The following MMP26 variants were observed in gnomAD, a reference collection of about 807,000 sequenced individuals.
The protein encoded by MMP26 is matrix metalloproteinase-26.
MMP26 carries 33 observed loss-of-function variants against 31.0 expected under a neutral mutation model. That is an observed-to-expected ratio of 1.06 (90% CI 0.81 to 1.42). The LOEUF (loss-of-function observed/expected upper bound fraction) is 1.42, where lower values mean the gene tolerates loss of function less well. MMP26 is among the 40% of genes most tolerant of loss of function. MMP26 has a pLI of 0.00. For synonymous variants in MMP26, 122 were observed against 114.9 expected (o/e 1.06, Z -0.40); for missense variants, 347 against 316.1 (o/e 1.10, Z -0.74).
chr11:4,728,237 T>A (rs1049930051), intron 1 of MMP26, among the ~76,000 whole-genome samples: 1 of 152,264 alleles, frequency 6.6e-6, no homozygotes, highest in African/African-American at 2.4e-5. Context: ...TTAAACATTA[T>A]ATTATAATCC....
chr11:4,834,047 A>C (rs1849682976), intron 2 of MMP26, among the ~76,000 whole-genome samples: 1 of 152,172 alleles, frequency 6.6e-6, no homozygotes, highest in Non-Finnish European at 1.5e-5. Context: ...AGTCTAAAGA[A>C]AAAGAGGTAG....
chr11:4,800,004 C>T (rs6578529), intron 2 of MMP26, among the ~76,000 whole-genome samples: 56,101 of 152,060 alleles, frequency 0.37, 11,430 homozygotes, highest in African/African-American at 0.52. Flanking sequence ...CTCTCATGGA[C>T]TGGAGTTGAG....
chr11:4,763,078 A>T (rs1235805647), intron 1 of MMP26, among the ~76,000 whole-genome samples: 1 of 152,180 alleles, frequency 6.6e-6, no homozygotes, highest in Non-Finnish European at 1.5e-5. Flanking sequence ...TTAATCTTAC[A>T]TCTATGTTGA....
intron 2 of MMP26, chr11:4,908,003 C>A (rs1850928362): frequency 6.2e-7 from 1 of 1,614,088 alleles, no homozygotes; most frequent in Non-Finnish European, 8.5e-7. Context: ...GGACTTGGCA[C>A]TGATTGTTTT....
At chr11:4,726,294 G>C (rs1848098646) in intron 1 of MMP26, among the ~76,000 whole-genome samples, 1 of 151,842 alleles carries the variant, frequency 6.6e-6, no homozygotes, top group Non-Finnish European at 1.5e-5. Context: ...TGAAACTCAG[G>C]CTCTACTAAA....
chr11:4,745,919 CT>C (rs1223491808), intron 1 of MMP26, among the ~76,000 whole-genome samples: 1 of 152,136 alleles, frequency 6.6e-6, no homozygotes, highest in Non-Finnish European at 1.5e-5. Flanking sequence ...TCTTTAATGT[CT>C]TTTCATGGCT....
chr11:4,822,421 T>C, intron 2 of MMP26: 1 of 1,418,088 alleles, frequency 7.1e-7, no homozygotes, highest in Non-Finnish European at 9.2e-7. Context: ...ATAAGTGCTT[T>C]GCTACAATGG....
rs189708358 is a variant in MMP26, at chr11:4,766,475, T to A, written c.-216-795T>A. ...ACAGATGTAACATCACAGACCTGCT[T>A]GGGTTGAGTACAGTATTTGAGGAGT... On this transcript the variant is annotated intron_variant, in intron 1 of 7. Transcript: ENST00000380390. Among the ~76,000 whole-genome samples the A allele has an allele frequency of 2.1e-4, 30 of 146,056 alleles. No individual in the cohort carries two copies. The East Asian group carries it at 5.6e-3, about 27-fold the overall frequency.
chr11:4,771,383 C>A (rs1848717543), intron 2 of MMP26, among the ~76,000 whole-genome samples: 1 of 152,042 alleles, frequency 6.6e-6, no homozygotes, highest in Non-Finnish European at 1.5e-5. Flanking sequence ...TTACCTTTTT[C>A]TCTGTGAAGT....
chr11:4,746,794 A>G (rs891336101), intron 1 of MMP26, among the ~76,000 whole-genome samples: 6 of 150,380 alleles, frequency 4.0e-5, no homozygotes, highest in Non-Finnish European at 7.4e-5. Context: ...AGATTGTGCC[A>G]TTGCACTCCA....
chr11:4,744,395 T>G (rs1324674774), intron 1 of MMP26, among the ~76,000 whole-genome samples: 3 of 152,242 alleles, frequency 2.0e-5, no homozygotes, highest in Non-Finnish European at 4.4e-5. Flanking sequence ...TGCTACAATT[T>G]TCTTTTAGAA....
intron 2 of MMP26, among the ~76,000 whole-genome samples, chr11:4,926,004 T>G (rs937507273): frequency 6.6e-6 from 1 of 152,140 alleles, no homozygotes; most frequent in Non-Finnish European, 1.5e-5. Context: ...ATATTAGGAT[T>G]TTTTAGAAAA....
intron 2 of MMP26, among the ~76,000 whole-genome samples, chr11:4,985,653 A>G (rs116764482): frequency 0.012 from 1,899 of 152,268 alleles, 51 homozygotes; most frequent in African/African-American, 0.043. Context: ...TATATTCCTC[A>G]TGGTGAAATG....
At chr11:4,775,711 C>T (rs542913970) in intron 2 of MMP26, among the ~76,000 whole-genome samples, 2 of 147,530 alleles carry the variant, frequency 1.4e-5, no homozygotes, top group East Asian at 2.0e-4. Context: ...GGTAGTCAAG[C>T]GAGTGCAGAG....
chr11:4,801,509 TTTA>T (rs1849181330), intron 2 of MMP26, among the ~76,000 whole-genome samples: 3 of 128 alleles, frequency 0.023, no homozygotes, highest in Admixed American at 0.062. Context: ...GGACTTTTTA[TTTA>T]TTTATTTATT....
intron 2 of MMP26, among the ~76,000 whole-genome samples, chr11:4,854,721 T>A (rs181524190): frequency 6.6e-6 from 1 of 152,192 alleles, no homozygotes; most frequent in Non-Finnish European, 1.5e-5. Context: ...GTAGTGGTTA[T>A]CCCAGCAAGG....
chr11:4,757,029 G>A (rs1354098310), intron 1 of MMP26, among the ~76,000 whole-genome samples: 4 of 151,924 alleles, frequency 2.6e-5, no homozygotes, highest in East Asian at 3.9e-4. Context: ...TAATTTATAC[G>A]GAAATGCAAA....
intron 2 of MMP26, among the ~76,000 whole-genome samples, chr11:4,874,220 G>A (rs989825777): frequency 9.2e-5 from 14 of 152,062 alleles, no homozygotes; most frequent in African/African-American, 2.9e-4. Flanking sequence ...CAAGTAAGGT[G>A]AAATTGTAAT....
Position 4,951,830 on chromosome 11 carries a change from T to C in MMP26, c.-144-36238T>C, listed in dbSNP as rs1342534207. ...GTGACAGTTCTCTCTCCTCTCTTCA[T>C]TGAGAGAGAAAAAGTGCTCTACTGC... On this transcript the variant is annotated intron_variant, in intron 2 of 7. Coordinates refer to ENST00000380390, the MANE Select transcript of MMP26 (RefSeq NM_021801.5). Among the ~76,000 whole-genome samples the C allele has an allele frequency of 2.4e-5, 3 of 124,666 alleles. 1 individual carries two copies. The highest frequency in any genetic ancestry group is 3.6e-5 in the Non-Finnish European group (2 of 54,986). 81.8% of individuals were successfully genotyped at this position (124,666 alleles called of 152,430 possible). A position where few individuals can be genotyped will look rare whatever the true frequency, so the allele number is the denominator to read the frequency against.
Sources: allele counts gnomAD v4.1 joint callset (sites outside exome capture counted in the v4.1 genomes callset), GRCh38; gene constraint gnomAD v4.1.1; transcripts MANE v1.5; gene names NCBI Gene and HGNC (gene_info 2026-07-23, HGNC 2026-07-21).